Variants in ZNF12 observed in about 807,000 individuals in gnomAD.
ZNF12 encodes zinc finger protein 12.
In ZNF12, 34 loss-of-function variants were observed where a neutral mutation model predicts 66.6. The ratio of observed to expected loss-of-function variants is 0.51; its 90% CI spans 0.39 to 0.68. The LOEUF (loss-of-function observed/expected upper bound fraction) is 0.68. Among genes scored for constraint, ZNF12 ranks in the 30% least tolerant of loss-of-function variants. The probability of loss-of-function intolerance (pLI) is 0.00; values close to 1 mark genes in which losing one functional copy is unlikely to be tolerated. For synonymous variants in ZNF12, 320 were observed against 278.9 expected, an observed-to-expected ratio of 1.15 and a Z score of -1.47; for missense variants, 697 against 826.9, an observed-to-expected ratio of 0.84 and a Z score of 1.93.
rs1056880694 is a variant in ZNF12, at chr7:6,706,838, G to A, written c.-457C>T. 5 of 350,584 alleles carry A rather than the reference G, an allele frequency of 1.4e-5. No homozygotes were observed. The highest frequency in any genetic ancestry group is 2.3e-5 in the African/African-American group (1 of 43,924). The allele number at this position is 350,584 out of a possible 1,614,324, so 21.7% of individuals were successfully genotyped here. ...CCCGCGCCCGCTTGGGTGCCGGCCC[G>A]GCTCTTCGGCGCCCAGCCCCGCAGG... On this transcript the variant is annotated 5_prime_UTR_variant, in exon 1 of 5. Coordinates refer to ENST00000405858, the MANE Select transcript of ZNF12 (RefSeq NM_016265.4).
At chr7:6,693,082 G>A (rs1190869438) in intron 4 of ZNF12, among the ~76,000 whole-genome samples, 2 of 152,244 alleles carry the variant, frequency 1.3e-5, no homozygotes, top group African/African-American at 4.8e-5. Flanking sequence ...AAGGAGTGCT[G>A]TTGGACAAGG....
intron 2 of ZNF12, among the ~76,000 whole-genome samples, chr7:6,704,838 G>T (rs1021601762): frequency 6.7e-6 from 1 of 150,260 alleles, no homozygotes; most frequent in African/African-American, 2.4e-5. Context: ...GATCTCAGAG[G>T]AATCTTTAAA....
Position 6,697,166 on chromosome 7 carries a change from T to C in ZNF12, c.238+173A>G, listed in dbSNP as rs1461292605. ...TTGGGAGTGGCAAGCACAGAAAAGC[T>C]CCATAAACATAAGTTCTTACGGGGA... On this transcript the variant is annotated intron_variant, in intron 4 of 4. Transcript: ENST00000405858. This position sits in a 1 kb window ranked among gnomAD's most constrained non-coding sequence, Gnocchi z 6.1. Among the ~76,000 whole-genome samples the C allele has an allele frequency of 1.3e-5, 2 of 152,062 alleles. No individual in the cohort carries two copies. The highest frequency in any genetic ancestry group is 6.5e-5 in the Admixed American group (1 of 15,268).
At chr7:6,699,312 G>A (rs549806449) in intron 2 of ZNF12, among the ~76,000 whole-genome samples, 93 of 152,322 alleles carry the variant, frequency 6.1e-4, no homozygotes, top group Admixed American at 2.2e-3. Flanking sequence ...TGATCCATGA[G>A]TGCAAGCTGG....
At chr7:6,702,457 C>T (rs1270617628) in intron 2 of ZNF12, among the ~76,000 whole-genome samples, 1 of 25,472 alleles carries the variant, frequency 3.9e-5, no homozygotes, top group African/African-American at 1.5e-4. Context: ...CTCCCAAACT[C>T]CACACGCACC....
Position 6,692,626 on chromosome 7 carries a change from T to G in ZNF12, c.316A>C (p.Ile106Leu). 2 of 1,613,582 alleles carry G rather than the reference T, an allele frequency of 1.2e-6. No homozygotes were observed. Among genetic ancestry groups the G allele is most frequent in the Non-Finnish European group, 1.7e-6 (2 of 1,179,768 alleles). ...ENKPSRQTVF[I>L]ETLIEERGNV... is the part of the protein sequence containing the mutation. The stretch of plus-strand genomic sequence containing the variant: ...CCTCTCTCTTCAATCAGGGTCTCAA[T>G]GAACACAGTTTGCCTTGAAGGTTTA... The change falls in exon 5 of 5, where the codon ATT (isoleucine) becomes CTT (leucine). Residue 106 changes from isoleucine (I) to leucine (L), a missense_variant. By Grantham distance (5) the Ile-to-Leu change is conservative. Around this residue, in one of 3 missense-constraint regions of ZNF12, gnomAD observed 241 missense variants for 224.0 expected, o/e 1.08. Transcript: ENST00000405858. The surrounding 1 kb of genome is among the most constrained non-coding windows in gnomAD (Gnocchi z 5.1).
intron 2 of ZNF12, chr7:6,700,690 A>G (rs564359312): frequency 6.6e-6 from 1 of 152,194 alleles, no homozygotes; most frequent in Non-Finnish European, 1.5e-5. Context: ...GGACAAAACC[A>G]AAACTCAGTC....
intron 2 of ZNF12, among the ~76,000 whole-genome samples, chr7:6,701,436 C>T (rs1407013128): frequency 6.6e-6 from 1 of 152,190 alleles, no homozygotes; most frequent in South Asian, 2.1e-4. Flanking sequence ...CAGCAGGTGT[C>T]TGTGTGGTAG....
chr7:6,691,988 T>TGTAAGG lies in ZNF12; in HGVS notation c.953_954insCCTTAC (p.Thr318_His319insLeuThr). The TGTAAGG allele has an allele frequency of 6.2e-7, 1 of 1,613,820 alleles. No individual in the cohort carries two copies. Among genetic ancestry groups the TGTAAGG allele is most frequent in the Non-Finnish European group, 8.5e-7 (1 of 1,179,920 alleles). ...ATTCATAGGGCTTCTCCCCTGTGTGTGTTCTCTGATGCACAGTAAGGGTTC... is the reference window on the plus strand; with the variant it reads ...ATTCATAGGGCTTCTCCCCTGTGTGTGTAAGGGTTCTCTGATGCACAGTAAGGGTTC... On this transcript the variant is annotated inframe_insertion, in exon 5 of 5. Coordinates refer to ENST00000405858, the MANE Select transcript of ZNF12 (RefSeq NM_016265.4).
At position 6,692,618 on chromosome 7, in the gene ZNF12, G is replaced by C. The variant is rs564375811; in HGVS notation, c.324C>G (p.Thr108=). ...KPSRQTVFIE[T]LIEERGNVPG... is the part of the protein sequence containing the mutation. ...GAACATTACCTCTCTCTTCAATCAG[G>C]GTCTCAATGAACACAGTTTGCCTTG... The change falls in exon 5 of 5, where the codon ACC becomes ACG. Residue 108 remains threonine, a synonymous_variant. Coordinates refer to ENST00000405858, the MANE Select transcript of ZNF12 (RefSeq NM_016265.4). The surrounding 1 kb of genome is among the most constrained non-coding windows in gnomAD (Gnocchi z 5.1). The C allele has an allele frequency of 7.4e-6, 12 of 1,613,558 alleles. No individual in the cohort carries two copies. In the South Asian group the frequency reaches 1.3e-4, roughly 18 times the overall value.
rs749012865 is a variant in ZNF12, at chr7:6,698,293, G to A, written c.16-482C>T. The stretch of plus-strand genomic sequence containing the variant: ...AATGTTGTGGGCCTACGGCTGTCTT[G>A]AGTCTTTTTCTCTTTGCTGTCTGTA... On this transcript the variant is annotated intron_variant, in intron 2 of 4. Transcript: ENST00000405858. The surrounding 1 kb of genome is among the most constrained non-coding windows in gnomAD (Gnocchi z 4.4). Among the ~76,000 whole-genome samples, 7 of 151,988 alleles carry A rather than the reference G, an allele frequency of 4.6e-5. No individual in the cohort carries two copies. The South Asian group carries it at 6.2e-4, about 14-fold the overall frequency.
chr7:6,699,668 T>A (rs1780204568), intron 2 of ZNF12, among the ~76,000 whole-genome samples: 1 of 152,220 alleles, frequency 6.6e-6, no homozygotes, highest in African/African-American at 2.4e-5. Flanking sequence ...ACAACTTGTT[T>A]ATTTCTTAGG....
Position 6,706,870 on chromosome 7 carries a change from G to A in ZNF12, c.-489C>T. The A allele has an allele frequency of 2.5e-6, 1 of 400,242 alleles. No individual in the cohort carries two copies. The highest frequency in any genetic ancestry group is 3.0e-5 in the Admixed American group (1 of 33,884). The allele number at this position is 400,242 out of a possible 1,614,324, so 24.8% of individuals were successfully genotyped here. A position where few individuals can be genotyped will look rare whatever the true frequency, so the allele number is the denominator to read the frequency against. On this transcript the variant is annotated 5_prime_UTR_variant, in exon 1 of 5. Transcript: ENST00000405858. Reference sequence around the variant, plus strand: ...CGGCGCCCAGCCCCGCAGGCTCCGCGATTCTCGCCCACCGGAGGCCAAAGC... The same window carrying A: ...CGGCGCCCAGCCCCGCAGGCTCCGCAATTCTCGCCCACCGGAGGCCAAAGC...
intron 2 of ZNF12, among the ~76,000 whole-genome samples, chr7:6,702,296 C>T (rs1780257538): frequency 9.2e-6 from 1 of 108,884 alleles, no homozygotes; most frequent in Non-Finnish European, 1.7e-5. Flanking sequence ...GTCTCCCAAA[C>T]TCCACAAACA....
Position 6,690,716 on chromosome 7 carries a change from T to A in ZNF12, c.*132A>T. 1 of 890,738 alleles carries A rather than the reference T, an allele frequency of 1.1e-6. No homozygotes were observed. The highest frequency in any genetic ancestry group is 1.7e-6 in the Non-Finnish European group (1 of 605,480). The allele number at this position is 890,738 out of a possible 1,614,324, so 55.2% of individuals were successfully genotyped here. On this transcript the variant is annotated 3_prime_UTR_variant, in exon 5 of 5. Transcript: ENST00000405858. ...TTCCATTCTGTGAGTCTTCAGATTA[T>A]GAGTCCAACACACAAGGGGATGTCC...
rs1360346134 is a variant in ZNF12 at position 6,692,334 on chromosome 7, T to A, written c.608A>T (p.Glu203Val). 6.2e-7 allele frequency: 1 copy of A among 1,609,192 alleles called. No individual in the cohort carries two copies. The highest frequency in any genetic ancestry group is 1.3e-5 in the African/African-American group (1 of 74,548). The change falls in exon 5 of 5, where the codon GAA becomes GTA. Residue 203 changes from glutamate (E) to valine (V), a missense_variant. Physicochemically the swap from Glu to Val is moderately radical, Grantham distance 121. Around this residue, in one of 3 missense-constraint regions of ZNF12, gnomAD observed 241 missense variants for 224.0 expected, o/e 1.08. Transcript: ENST00000405858. This position sits in a 1 kb window ranked among gnomAD's most constrained non-coding sequence, Gnocchi z 5.1. The part of the protein sequence containing the change: ...NQNGEPYTLN[E>V]ESLYQKIRIL... ...ACGAATTTTCTGATAAAGACTTTCT[T>A]CATTTAGAGTATAAGGTTCCCCATT...
intron 4 of ZNF12, among the ~76,000 whole-genome samples, chr7:6,694,639 C>T (rs1780127271): frequency 6.6e-6 from 1 of 152,194 alleles, no homozygotes; most frequent in Non-Finnish European, 1.5e-5. Flanking sequence ...ATGCTACGAT[C>T]ACTGTGTGCC....
chr7:6,705,107 A>C lies in ZNF12; in HGVS notation c.15+52T>G. 1.9e-6 allele frequency: 3 copies of C among 1,600,478 alleles called. No individual in the cohort carries two copies. The highest frequency in any genetic ancestry group is 2.6e-6 in the Non-Finnish European group (3 of 1,171,790). ...ACTTTGAACCCTTAATCTCCTCCTAAGGTGTATTGTAAATCAGAGTAGAGA... is the reference window on the plus strand; with the variant it reads ...ACTTTGAACCCTTAATCTCCTCCTACGGTGTATTGTAAATCAGAGTAGAGA... On this transcript the variant is annotated intron_variant, in intron 2 of 4. Transcript: ENST00000405858. The surrounding 1 kb of genome is among the most constrained non-coding windows in gnomAD (Gnocchi z 4.0).
At chr7:6,694,092 G>A (rs1189848617) in intron 4 of ZNF12, among the ~76,000 whole-genome samples, 9 of 152,074 alleles carry the variant, frequency 5.9e-5, no homozygotes, top group East Asian at 5.8e-4. Flanking sequence ...GCTTGAACCC[G>A]GGAGGTGGAG....
Sources: gnomAD v4.1 joint callset for allele counts (sites outside exome capture counted in the v4.1 genomes callset) on GRCh38, gnomAD v4.1.1 for gene constraint, gnomAD v4.1.1 regional missense constraint, Gnocchi (gnomAD v3.1) non-coding constraint, MANE v1.5 for transcripts, NCBI Gene and HGNC (gene_info 2026-07-23, HGNC 2026-07-21) for gene names.